The following ACP3 variants were observed in gnomAD, a reference collection of about 807,000 sequenced individuals.
The protein encoded by ACP3 is acid phosphatase 3, also known as prostatic acid phosphatase.
A neutral mutation model predicts 45.6 loss-of-function variants in ACP3; 38 were observed. The ratio of observed to expected loss-of-function variants is 0.83; its 90% confidence interval spans 0.64 to 1.09. The LOEUF (loss-of-function observed/expected upper bound fraction) is 1.09. ACP3 is among the 50% of genes least tolerant of loss of function. The pLI, the probability that ACP3 is intolerant of heterozygous loss-of-function variation, is 0.00. For missense variants in ACP3, 466 were observed against 463.2 expected, an observed-to-expected ratio of 1.01 and a Z score of -0.05; for synonymous variants, 162 against 164.7, an observed-to-expected ratio of 0.98 and a Z score of 0.13.
In ACP3 at chr3:132,337,368, A is replaced by T. The variant is rs1022973432; in HGVS notation, c.457-88A>T. 7.5e-6 allele frequency: 6 copies of T among 798,864 alleles called. No individual in the cohort carries two copies. In the African/African-American group the frequency reaches 1.0e-4, roughly 14 times the overall value. The allele number at this position is 798,864 out of a possible 1,614,324, so 49.5% of individuals were successfully genotyped here. ...GAATCTTTTATTAAGGTTGCTTTGA[A>T]CCTAATGAGGCTTAAAATATTGCTG... On this transcript the variant is annotated intron_variant, in intron 4 of 9. Coordinates refer to ENST00000336375, the MANE Select transcript of ACP3 (RefSeq NM_001099.5).
Position 132,356,925 on chromosome 3 carries a change from C to T in ACP3, c.*47C>T, listed in dbSNP as rs547310027. On this transcript the variant is annotated 3_prime_UTR_variant, in exon 10 of 10. Coordinates refer to ENST00000336375, the MANE Select transcript of ACP3 (RefSeq NM_001099.5). ...AAGGAGTAGCTGCCCTTTCTCAGGG[C>T]AGATGATGCTTTGAGAACATACTTT... 6 of 1,564,536 alleles carry T rather than the reference C, an allele frequency of 3.8e-6. No homozygotes were observed. The Admixed American group carries it at 5.8e-5, about 15-fold the overall frequency.
chr3:132,361,863 C>A (rs1395269907), downstream of ACP3, among the ~76,000 whole-genome samples: 2 of 152,140 alleles, frequency 1.3e-5, no homozygotes, highest in African/African-American at 4.8e-5. Context: ...TGAGTGTGAA[C>A]CCATCTCCGC....
At chr3:132,345,845 T>C (rs1377862421) in intron 7 of ACP3, among the ~76,000 whole-genome samples, 2 of 152,120 alleles carry the variant, frequency 1.3e-5, no homozygotes. Context: ...ATGTTGGGGC[T>C]TATGAGAGAA....
intron 9 of ACP3, among the ~76,000 whole-genome samples, chr3:132,353,684 CTG>C (rs928108978): frequency 9.8e-5 from 15 of 152,354 alleles, no homozygotes; most frequent in Non-Finnish European, 1.8e-4. Flanking sequence ...ACCAACCTGA[CTG>C]TGCAGTTACA....
intron 4 of ACP3, among the ~76,000 whole-genome samples, chr3:132,335,091 T>C (rs928512575): frequency 6.6e-6 from 1 of 152,230 alleles, no homozygotes; most frequent in Non-Finnish European, 1.5e-5. Context: ...AGTAATTAAT[T>C]AAATTCCAGG....
intron 1 of ACP3, 26 bp from the exon 2 acceptor site, chr3:132,328,241 C>T (rs753385336): frequency 7.0e-6 from 11 of 1,582,356 alleles, no homozygotes; most frequent in Non-Finnish European, 6.1e-6. Context: ...ACGTTTGTAA[C>T]ATCACTCTCT....
At position 132,344,969 on chromosome 3, in the gene ACP3, A is replaced by C; in HGVS notation, c.691A>C (p.Thr231Pro). Residue 231 changes from threonine (T) to proline (P), a missense_variant, in exon 7 of 10, where the codon ACC (threonine) becomes CCC (proline). By Grantham distance (38) the Thr-to-Pro change is conservative. Coordinates refer to ENST00000336375, the MANE Select transcript of ACP3 (RefSeq NM_001099.5). Reference sequence around the variant, plus strand: ...TTTACCCTCCTGGGCCACTGAGGACACCATGACTAAGTTGAGAGAATTGTC... The same window carrying C: ...TTTACCCTCCTGGGCCACTGAGGACCCCATGACTAAGTTGAGAGAATTGTC... ...FTLPSWATEDTMTKLRELSEL... is the reference protein window; with the variant it reads ...FTLPSWATEDPMTKLRELSEL... The C allele has an allele frequency of 1.2e-6, 2 of 1,613,960 alleles. No homozygotes were observed. The highest frequency in any genetic ancestry group is 1.7e-6 in the Non-Finnish European group (2 of 1,179,916).
rs149721863 is a variant in ACP3 at position 132,365,906 on chromosome 3, C to T, written c.1139-1798C>T. ...CTGGGAGGCTGAGGCAGGAGAATCC[C>T]TTGAACCTGGAAGGCAGAGGTTGCA... On this transcript the variant is annotated intron_variant, in intron 10 of 10. Coordinates refer to the ACP3 transcript ENST00000351273. Among the ~76,000 whole-genome samples the T allele has an allele frequency of 9.7e-3, 1,480 of 152,092 alleles. 19 individuals carry two copies. The highest frequency in any genetic ancestry group is 0.034 in the African/African-American group (1,398 of 41,478).
At chr3:132,343,513 T>A (rs1363008961) in intron 6 of ACP3, among the ~76,000 whole-genome samples, 4 of 152,194 alleles carry the variant, frequency 2.6e-5, no homozygotes, top group Non-Finnish European at 5.9e-5. Context: ...GAGCCCCCAT[T>A]TTTGTTCCAG....
rs1937402602 is a variant in ACP3 at position 132,331,741 on chromosome 3, G to A, written c.303+8G>A. 4 of 1,591,602 alleles carry A rather than the reference G, an allele frequency of 2.5e-6. No homozygotes were observed. In the South Asian group the frequency reaches 4.6e-5, roughly 18 times the overall value. On this transcript the variant is annotated splice_region_variant and intron_variant, in intron 3 of 9. Coordinates refer to ENST00000336375, the MANE Select transcript of ACP3 (RefSeq NM_001099.5). Reference sequence around the variant, plus strand: ...TCCTATAAACATGAACAGGCAAGTTGGGGAGCCAAGAGTGGGAACTTTGAT... The same window carrying A: ...TCCTATAAACATGAACAGGCAAGTTAGGGAGCCAAGAGTGGGAACTTTGAT...
intron 4 of ACP3, 98 bp downstream of exon 4, chr3:132,332,442 G>C: frequency 7.6e-7 from 1 of 1,318,892 alleles, no homozygotes; most frequent in Non-Finnish European, 1.1e-6. Flanking sequence ...GACACTCCTT[G>C]AGCTGTGCAG....
In ACP3 at chr3:132,328,280, G is replaced by A. The variant is rs1018855837; in HGVS notation, c.134G>A (p.Gly45Glu). 2.5e-6 allele frequency: 4 copies of A among 1,613,736 alleles called. No homozygotes were observed. The highest frequency in any genetic ancestry group is 1.7e-5 in the Admixed American group (1 of 60,000). The change falls in exon 2 of 10, where the codon GGA becomes GAA. Residue 45 changes from glycine to glutamate, a missense_variant. Gly to Glu is a moderately conservative substitution (Grantham distance 98). Transcript: ENST00000336375. ...LKFVTLVFRH[G>E]DRSPIDTFPT... is the part of the protein sequence containing the mutation. Reference sequence around the variant, plus strand: ...ATCTACTTTCAGGTGTTTCGGCATGGAGACCGAAGTCCCATTGACACCTTT... The same window carrying A: ...ATCTACTTTCAGGTGTTTCGGCATGAAGACCGAAGTCCCATTGACACCTTT...
chr3:132,339,299 A>G (rs577997507), intron 5 of ACP3, among the ~76,000 whole-genome samples: 1 of 152,362 alleles, frequency 6.6e-6, no homozygotes, highest in East Asian at 1.9e-4. Context: ...CAATCAACAC[A>G]GACAGAAGAC....
chr3:132,318,057 A>G (rs1937141230), intron 1 of ACP3, among the ~76,000 whole-genome samples: 1 of 152,252 alleles, frequency 6.6e-6, no homozygotes, highest in Non-Finnish European at 1.5e-5. Flanking sequence ...ATAAAAGTGA[A>G]TCTAAATTTG....
At position 132,358,379 on chromosome 3, in the gene ACP3, A is replaced by T. The variant is rs1299312517; in HGVS notation, c.*1501A>T. ...GGACAAAAGGAATGTGTAAGTCTTT[A>T]ATGCCGATATCTTCAGAAAACCTAA... On this transcript the variant is annotated 3_prime_UTR_variant, in exon 10 of 10. Coordinates refer to ENST00000336375, the MANE Select transcript of ACP3 (RefSeq NM_001099.5). The T allele has an allele frequency of 2.4e-6, 3 of 1,231,366 alleles. No homozygotes were observed. The Admixed American group carries it at 7.6e-5, about 31-fold the overall frequency. 76.3% of individuals were successfully genotyped at this position (1,231,366 alleles called of 1,614,324 possible).
intron 2 of ACP3, among the ~76,000 whole-genome samples, 186 bp downstream of exon 2, chr3:132,328,548 G>A (rs777595866): frequency 1.3e-5 from 2 of 151,946 alleles, no homozygotes; most frequent in Non-Finnish European, 2.9e-5. Flanking sequence ...GATTGGTGGT[G>A]GGCACCTGTA....
intron 4 of ACP3, among the ~76,000 whole-genome samples, chr3:132,333,740 A>G (rs556921650): frequency 5.9e-5 from 9 of 152,322 alleles, no homozygotes; most frequent in Non-Finnish European, 1.2e-4. Flanking sequence ...TTATTCCAAA[A>G]AGAAAAAAAA....
rs1195125427 is a variant in ACP3 at position 132,358,750 on chromosome 3, G to A, written c.*1872G>A. The A allele has an allele frequency of 5.0e-5, 49 of 989,170 alleles. No homozygotes were observed. The highest frequency in any genetic ancestry group is 5.9e-5 in the Non-Finnish European group (49 of 832,134). 61.3% of individuals were successfully genotyped at this position (989,170 alleles called of 1,614,324 possible). ...AAATAGTGAATAAAGTCATTATTAG[G>A]AAGTTCAAAAGCATTGCTTTTATAA... is the stretch of plus-strand genomic sequence containing the variant. On this transcript the variant is annotated 3_prime_UTR_variant, in exon 10 of 10. Coordinates refer to ENST00000336375, the MANE Select transcript of ACP3 (RefSeq NM_001099.5).
chr3:132,322,466 A>T (rs1446912137), intron 1 of ACP3, among the ~76,000 whole-genome samples: 1 of 152,244 alleles, frequency 6.6e-6, no homozygotes, highest in Non-Finnish European at 1.5e-5. Flanking sequence ...AAGAAAATAA[A>T]ATAGACTTCT....
Sources: allele counts gnomAD v4.1 joint callset (sites outside exome capture counted in the v4.1 genomes callset), GRCh38; gene constraint gnomAD v4.1.1; transcripts MANE v1.5; gene names NCBI Gene and HGNC (gene_info 2026-07-23, HGNC 2026-07-21).